Variants in SRCAP observed in about 807,000 individuals in gnomAD.
SRCAP encodes Snf2 related CREBBP activator protein.
SRCAP carries 46 observed loss-of-function variants against 263.1 expected under a neutral mutation model. The observed-to-expected ratio is 0.17, with a 90% CI of 0.14 to 0.22. SRCAP has a LOEUF of 0.22. Ranked by LOEUF, SRCAP falls within the 10% of genes least tolerant of loss-of-function variation. The pLI, the probability that SRCAP is intolerant of heterozygous loss-of-function variation, is 1.00. For synonymous variants in SRCAP, 1,813 were observed against 1,662.1 expected (o/e 1.09, Z -2.21); for missense variants, 3,695 against 4,181.9 (o/e 0.88, Z 3.21).
At chr16:30,700,983 TC>T in intron 3 of SRCAP, 105 bp downstream of exon 3, 1 of 1,191,568 alleles carries the variant, frequency 8.4e-7, no homozygotes, top group Non-Finnish European at 1.2e-6. Flanking sequence ...TTTTGGAGAA[TC>T]TTTGGTGCTC....
At chr16:30,736,094 A>G (rs896194319) in intron 31 of SRCAP, 106 bp from the exon 32 acceptor site, 102 of 1,380,268 alleles carry the variant, frequency 7.4e-5, no homozygotes, top group Non-Finnish European at 9.7e-5. Flanking sequence ...TCTGTTGCAA[A>G]CCTAGTTTGG....
intron 6 of SRCAP, among the ~76,000 whole-genome samples, chr16:30,708,467 C>T (rs891075986): frequency 1.3e-5 from 2 of 152,072 alleles, no homozygotes; most frequent in African/African-American, 4.8e-5. Flanking sequence ...AATCTTGGCT[C>T]ACTGCAACCT....
rs1249045313 is a variant in SRCAP, at chr16:30,740,339, C to G, written c.*606C>G. On this transcript the variant is annotated 3_prime_UTR_variant, in exon 34 of 34. Coordinates refer to ENST00000262518, the MANE Select transcript of SRCAP (RefSeq NM_006662.3). ...TGCCTTTCCCCAGTCAGTTTGAAGTCACAGATATCCTTTTCCTCTCATTTC... is the reference window on the plus strand; with the variant it reads ...TGCCTTTCCCCAGTCAGTTTGAAGTGACAGATATCCTTTTCCTCTCATTTC... 40 of 152,254 alleles carry G rather than the reference C, an allele frequency of 2.6e-4. No homozygotes were observed. Among genetic ancestry groups the G allele is most frequent in the Admixed American group, 2.6e-3 (40 of 15,268 alleles). The allele number at this position is 152,254 out of a possible 1,614,324, so 9.4% of individuals were successfully genotyped here.
intron 16 of SRCAP, among the ~76,000 whole-genome samples, chr16:30,715,428 G>A (rs1038887397): frequency 6.6e-5 from 10 of 152,110 alleles, no homozygotes; most frequent in African/African-American, 1.9e-4. Flanking sequence ...AGCCGGGCGC[G>A]GTGGCGGGTG....
chr16:30,724,852 C>T lies in SRCAP; in HGVS notation c.5428C>T (p.Pro1810Ser), dbSNP rs1446828660. 4 of 1,614,140 alleles carry T rather than the reference C, an allele frequency of 2.5e-6. No individual in the cohort carries two copies. Among genetic ancestry groups the T allele is most frequent in the Middle Eastern group, 3.3e-4 (2 of 6,062 alleles). The change falls in exon 25 of 34, where the codon CCA (proline) becomes TCA (serine). Residue 1810 changes from proline to serine, a missense_variant. Physicochemically the swap from Pro to Ser is moderately conservative, Grantham distance 74. Around this residue, in one of 12 missense-constraint regions of SRCAP, gnomAD observed 1,347 missense variants for 1,304.4 expected, o/e 1.03. Coordinates refer to ENST00000262518, the MANE Select transcript of SRCAP (RefSeq NM_006662.3). ...PAAAQTLALA[P>S]ASTQSPASQA... ...CGCAGCTCAGACCTTGGCGCTGGCC[C>T]CAGCCTCCACACAGTCCCCAGCTTC... is the stretch of plus-strand genomic sequence containing the variant.
Position 30,707,106 on chromosome 16 carries a change from T to C in SRCAP, c.307-77T>C, listed in dbSNP as rs1214994172. ...AGCATAACACACTCAGCCCACTTAGTGCTCAGGAATTCAGCCGTGGCAGTG... is the reference window on the plus strand; with the variant it reads ...AGCATAACACACTCAGCCCACTTAGCGCTCAGGAATTCAGCCGTGGCAGTG... On this transcript the variant is annotated intron_variant, in intron 4 of 33. Coordinates refer to ENST00000262518, the MANE Select transcript of SRCAP (RefSeq NM_006662.3). The C allele has an allele frequency of 4.1e-6, 6 of 1,475,028 alleles. No individual in the cohort carries two copies. In the South Asian group the frequency reaches 7.3e-5, roughly 18 times the overall value. The allele number at this position is 1,475,028 out of a possible 1,614,324, so 91.4% of individuals were successfully genotyped here. A position where few individuals can be genotyped will look rare whatever the true frequency, so the allele number is the denominator to read the frequency against.
At chr16:30,728,593 G>A (rs1001629236) in intron 25 of SRCAP, among the ~76,000 whole-genome samples, 7 of 152,142 alleles carry the variant, frequency 4.6e-5, no homozygotes, top group African/African-American at 1.7e-4. Context: ...CTATAGTCCT[G>A]GAGTTGAGTG....
intron 16 of SRCAP, among the ~76,000 whole-genome samples, chr16:30,714,854 G>A (rs1273638279): frequency 6.6e-6 from 1 of 151,958 alleles, no homozygotes; most frequent in African/African-American, 2.4e-5. Flanking sequence ...TGTCCTTACT[G>A]TCTTTGAGTA....
In SRCAP at chr16:30,737,564, A is replaced by G; in HGVS notation, c.7524A>G (p.Pro2508=). Residue 2508 remains proline, a synonymous_variant, in exon 34 of 34, where the codon CCA becomes CCG. Transcript: ENST00000262518. Reference sequence around the variant, plus strand: ...CCCCTCCTCCTGCCTGTACCCCTCCACCAGCTCATACACCGCCTCCAGCCC... The same window carrying G: ...CCCCTCCTCCTGCCTGTACCCCTCCGCCAGCTCATACACCGCCTCCAGCCC... ...ACTPPPACTP[P]PAHTPPPAQT... 5 of 1,613,420 alleles carry G rather than the reference A, an allele frequency of 3.1e-6. No homozygotes were observed. The highest frequency in any genetic ancestry group is 4.2e-6 in the Non-Finnish European group (5 of 1,179,802).
Position 30,738,850 on chromosome 16 carries a change from G to A in SRCAP, c.8810G>A (p.Arg2937Lys), listed in dbSNP as rs1365738299. ...CCCCTCCTGTCACCTGTGGAGAAAA[G>A]AAGGCGAGGACGACCCCCTAAAGCA... ...PNPLLSPVEKRRRGRPPKARD... is the reference protein window; with the variant it reads ...PNPLLSPVEKKRRGRPPKARD... Residue 2937 changes from arginine (R) to lysine (K), a missense_variant, in exon 34 of 34, where the codon AGA becomes AAA. Transcript: ENST00000262518. The A allele has an allele frequency of 2.2e-5, 35 of 1,614,038 alleles. No individual in the cohort carries two copies. Among genetic ancestry groups the A allele is most frequent in the Non-Finnish European group, 2.8e-5 (33 of 1,180,028 alleles).
chr16:30,716,512 G>A, intron 18 of SRCAP, 33 bp downstream of exon 18: 2 of 1,576,670 alleles, frequency 1.3e-6, no homozygotes, highest in Non-Finnish European at 1.7e-6. Flanking sequence ...GAAATGTAAA[G>A]GTTATCGGCA....
Position 30,709,548 on chromosome 16 carries a change from A to G in SRCAP, c.669A>G (p.Glu223=), listed in dbSNP as rs772213094. ...VQFKQQSRLE[E]KRKKALDLHL... is the part of the protein sequence containing the mutation. Reference sequence around the variant, plus strand: ...TCAAGCAACAGTCCCGGCTTGAGGAAAAGCGCAAAAAAGCCCTGGACCTGC... The same window carrying G: ...TCAAGCAACAGTCCCGGCTTGAGGAGAAGCGCAAAAAAGCCCTGGACCTGC... Residue 223 remains glutamate, a synonymous_variant, in exon 7 of 34, where the codon GAA becomes GAG. Transcript: ENST00000262518. 5 of 1,614,170 alleles carry G rather than the reference A, an allele frequency of 3.1e-6. No individual in the cohort carries two copies. Among genetic ancestry groups the G allele is most frequent in the Non-Finnish European group, 3.4e-6 (4 of 1,180,028 alleles).
Position 30,723,825 on chromosome 16 carries a change from T to C in SRCAP, c.4401T>C (p.Ala1467=), listed in dbSNP as rs1408605418. The C allele has an allele frequency of 1.2e-6, 2 of 1,614,122 alleles. No homozygotes were observed. The highest frequency in any genetic ancestry group is 1.1e-5 in the South Asian group (1 of 91,078). ...IPISAPLTVS[A]SGPALLTSVT... ...TCTCAGCCCCCTTGACTGTTTCTGC[T>C]TCGGGCCCAGCTCTGTTGACCAGTG... Residue 1467 remains alanine, a synonymous_variant, in exon 25 of 34, where the codon GCT becomes GCC. Transcript: ENST00000262518.
chr16:30,704,167 A>G lies in SRCAP; in HGVS notation c.158A>G (p.Gln53Arg). ...GGCATCTCCCCGCAGCACATAGCTC[A>G]AGATTCCTCACTGGATGGACCTCCA... ...AGGISPQHIAQDSSLDGPPGP... is the reference protein window; with the variant it reads ...AGGISPQHIARDSSLDGPPGP... The change falls in exon 4 of 34, where the codon CAA becomes CGA. Residue 53 changes from glutamine (Q) to arginine (R), a missense_variant. Physicochemically the swap from Gln to Arg is conservative, Grantham distance 43. Transcript: ENST00000262518. The G allele has an allele frequency of 1.2e-6, 2 of 1,612,756 alleles. No homozygotes were observed. Among genetic ancestry groups the G allele is most frequent in the Non-Finnish European group, 1.7e-6 (2 of 1,178,744 alleles).
At position 30,734,026 on chromosome 16, in the gene SRCAP, T is replaced by C. The variant is rs774173935; in HGVS notation, c.6609+18T>C. ...TCAAACAGGTACTAAGTAAGATCTT[T>C]TAGCCTATGCAGGAGAAAACTGCTG... On this transcript the variant is annotated intron_variant, in intron 30 of 33. Transcript: ENST00000262518. 1 of 1,581,494 alleles carries C rather than the reference T, an allele frequency of 6.3e-7. No homozygotes were observed. The highest frequency in any genetic ancestry group is 8.6e-7 in the Non-Finnish European group (1 of 1,162,350).
At position 30,721,203 on chromosome 16, in the gene SRCAP, C is replaced by T. The variant is rs769599350; in HGVS notation, c.3268C>T (p.Leu1090=). The change falls in exon 21 of 34, where the codon CTG becomes TTG. Residue 1090 remains leucine (L), a synonymous_variant. Transcript: ENST00000262518. ...TGTGTCTGCAGTGTTGCCATCCCCC[C>T]TGGGGGTCCTGAGTGGGACCTCACG... ...GSLPQVLPSP[L]GVLSGTSRPP... The T allele has an allele frequency of 1.9e-6, 3 of 1,610,108 alleles. No homozygotes were observed. In the Admixed American group the frequency reaches 5.0e-5, roughly 27 times the overall value.
intron 6 of SRCAP, among the ~76,000 whole-genome samples, chr16:30,709,198 G>A (rs1186052431): frequency 6.6e-6 from 1 of 152,022 alleles, no homozygotes; most frequent in Non-Finnish European, 1.5e-5. Flanking sequence ...GGGAGGGTGA[G>A]GCAGGAGGAT....
chr16:30,715,083 C>T (rs1229187397), intron 16 of SRCAP, among the ~76,000 whole-genome samples: 1 of 152,210 alleles, frequency 6.6e-6, no homozygotes, highest in Non-Finnish European at 1.5e-5. Context: ...GATAAAGACT[C>T]TCCAGTCTGT....
chr16:30,717,453 G>T (rs1596651354), intron 18 of SRCAP, among the ~76,000 whole-genome samples: 3 of 146,194 alleles, frequency 2.1e-5, no homozygotes, highest in Middle Eastern at 3.5e-3. Flanking sequence ...GTTTTTGGTG[G>T]TTTTTTTTTT....
Sources: gnomAD v4.1 joint callset for allele counts (sites outside exome capture counted in the v4.1 genomes callset) on GRCh38, gnomAD v4.1.1 for gene constraint, gnomAD v4.1.1 regional missense constraint, MANE v1.5 for transcripts, NCBI Gene and HGNC (gene_info 2026-07-23, HGNC 2026-07-21) for gene names.